Variants in FAM168A observed in about 807,000 individuals in gnomAD.
FAM168A encodes the protein protein FAM168A.
FAM168A carries 3 observed loss-of-function variants against 28.5 expected under a neutral mutation model. The ratio of observed to expected loss-of-function variants is 0.11; its 90% CI spans 0.05 to 0.27. FAM168A has a LOEUF of 0.27. Among genes scored for constraint, FAM168A ranks in the 10% least tolerant of loss-of-function variants. The pLI is 1.00. For synonymous variants in FAM168A, 122 were observed against 124.2 expected (o/e 0.98, Z 0.12); for missense variants, 222 against 311.5 (o/e 0.71, Z 2.16).
chr11:73,477,789 C>T (rs939404428), intron 1 of FAM168A, among the ~76,000 whole-genome samples: 1 of 152,212 alleles, frequency 6.6e-6, no homozygotes, highest in East Asian at 1.9e-4. Flanking sequence ...ATAATTGAGA[C>T]AATTCATTGC....
chr11:73,446,081 C>T (rs1273629370), intron 2 of FAM168A, among the ~76,000 whole-genome samples: 1 of 152,146 alleles, frequency 6.6e-6, no homozygotes, highest in Non-Finnish European at 1.5e-5. Flanking sequence ...GCAGAACTTT[C>T]TTTGTACAAT....
chr11:73,493,066 A>G (rs1305884904), intron 1 of FAM168A, among the ~76,000 whole-genome samples: 3 of 152,226 alleles, frequency 2.0e-5, no homozygotes, highest in African/African-American at 7.2e-5. Context: ...CCTATTGGGT[A>G]CTACGCTCAC....
intron 1 of FAM168A, among the ~76,000 whole-genome samples, chr11:73,488,437 C>T (rs140433947): frequency 3.3e-5 from 5 of 152,220 alleles, no homozygotes; most frequent in South Asian, 2.1e-4. Context: ...AGCCTCATGT[C>T]GGTTCTAAAT....
intron 1 of FAM168A, among the ~76,000 whole-genome samples, chr11:73,594,642 C>T (rs1664547579): frequency 6.6e-6 from 1 of 152,170 alleles, no homozygotes; most frequent in African/African-American, 2.4e-5. Context: ...TCTAGCAATT[C>T]TCCTGCCTCA....
chr11:73,504,521 G>A (rs980413437), intron 1 of FAM168A, among the ~76,000 whole-genome samples: 51 of 152,342 alleles, frequency 3.3e-4, no homozygotes, highest in Non-Finnish European at 1.0e-4. Context: ...TGGCGAGGCT[G>A]TGGAGAAATA....
intron 1 of FAM168A, among the ~76,000 whole-genome samples, chr11:73,534,403 A>AT (rs1393242248): frequency 2.7e-5 from 4 of 149,112 alleles, no homozygotes; most frequent in South Asian, 2.1e-4. Flanking sequence ...ATTTTTATTT[A>AT]TTTATTTTTT....
intron 2 of FAM168A, among the ~76,000 whole-genome samples, chr11:73,454,573 A>C (rs932290728): frequency 1.3e-5 from 2 of 152,142 alleles, no homozygotes; most frequent in Non-Finnish European, 2.9e-5. Context: ...CCCTCAAGCC[A>C]AAAAGCCTGA....
chr11:73,488,343 C>T (rs1819007569), intron 1 of FAM168A, among the ~76,000 whole-genome samples: 1 of 152,052 alleles, frequency 6.6e-6, no homozygotes, highest in South Asian at 2.1e-4. Flanking sequence ...ACTGGCCAGG[C>T]TGGTCTTGAA....
chr11:73,544,733 TA>T (rs1434766877), intron 1 of FAM168A, among the ~76,000 whole-genome samples: 5 of 121,218 alleles, frequency 4.1e-5, no homozygotes, highest in African/African-American at 1.6e-4. Context: ...TATATGTAAT[TA>T]TATATAATTA....
chr11:73,565,521 C>T (rs1235278062), intron 1 of FAM168A, among the ~76,000 whole-genome samples: 1 of 152,120 alleles, frequency 6.6e-6, no homozygotes, highest in African/African-American at 2.4e-5. Flanking sequence ...TTCTGACCCT[C>T]AATTTCCTCA....
intron 1 of FAM168A, among the ~76,000 whole-genome samples, chr11:73,470,007 G>A (rs1867791227): frequency 6.6e-6 from 1 of 152,108 alleles, no homozygotes; most frequent in Non-Finnish European, 1.5e-5. Context: ...TGCCTCCTGG[G>A]TTCAAGCGAT....
chr11:73,530,191 C>T (rs923585313), intron 1 of FAM168A, among the ~76,000 whole-genome samples: 6 of 152,044 alleles, frequency 3.9e-5, no homozygotes, highest in African/African-American at 7.2e-5. Context: ...GTTCATGGTG[C>T]AATAAGGAAG....
chr11:73,503,445 G>A (rs1855048989), intron 1 of FAM168A, among the ~76,000 whole-genome samples: 1 of 152,082 alleles, frequency 6.6e-6, no homozygotes, highest in African/African-American at 2.4e-5. Flanking sequence ...AGCTAACAAG[G>A]GATGTAAAGG....
At chr11:73,501,958 A>G (rs964824374) in intron 1 of FAM168A, among the ~76,000 whole-genome samples, 4 of 152,208 alleles carry the variant, frequency 2.6e-5, no homozygotes, top group Non-Finnish European at 5.9e-5. Flanking sequence ...AAAATTAGCC[A>G]GGTGTGGTGG....
At chr11:73,541,560 A>G (rs1252428740) in intron 1 of FAM168A, among the ~76,000 whole-genome samples, 1 of 151,972 alleles carries the variant, frequency 6.6e-6, no homozygotes, top group African/African-American at 2.4e-5. Context: ...TTTAGTACAG[A>G]CAGGGTTTCA....
chr11:73,547,447 T>C (rs1943773726), intron 1 of FAM168A, among the ~76,000 whole-genome samples: 1 of 152,076 alleles, frequency 6.6e-6, no homozygotes, highest in Non-Finnish European at 1.5e-5. Context: ...ATAGTATATC[T>C]GCTTGCAGGA....
chr11:73,531,936 C>A (rs1376007149), intron 1 of FAM168A, among the ~76,000 whole-genome samples: 1 of 150,584 alleles, frequency 6.6e-6, no homozygotes, highest in African/African-American at 2.4e-5. Flanking sequence ...TCCCAGGTAG[C>A]TGGAACCACA....
chr11:73,446,513 C>A (rs1391931311), intron 2 of FAM168A, among the ~76,000 whole-genome samples: 12 of 152,202 alleles, frequency 7.9e-5, no homozygotes, highest in African/African-American at 2.9e-4. Context: ...AGGTCTCTGA[C>A]ACACACTCTG....
At chr11:73,584,276 G>A (rs941288681) in intron 1 of FAM168A, among the ~76,000 whole-genome samples, 1 of 151,514 alleles carries the variant, frequency 6.6e-6, no homozygotes, top group African/African-American at 2.4e-5. Context: ...GGGCCCAAGC[G>A]ATCCTCCCAC....
Sources: gnomAD v4.1 joint callset for allele counts (sites outside exome capture counted in the v4.1 genomes callset) on GRCh38, gnomAD v4.1.1 for gene constraint, MANE v1.5 for transcripts, NCBI Gene and HGNC (gene_info 2026-07-23, HGNC 2026-07-21) for gene names.